Variants in CELA1 observed in about 807,000 individuals in gnomAD.
The protein encoded by CELA1 is chymotrypsin like elastase 1, also known as chymotrypsin-like elastase family member 1.
In CELA1, 28 loss-of-function variants were observed where a neutral mutation model predicts 34.8. The observed-to-expected ratio is 0.80, with a 90% CI of 0.60 to 1.10. The LOEUF (loss-of-function observed/expected upper bound fraction) is 1.10, where lower values mean the gene tolerates loss of function less well. CELA1 is among the 50% of genes least tolerant of loss of function. The pLI, the probability that CELA1 is intolerant of heterozygous loss-of-function variation, is 0.00. For missense variants in CELA1, 288 were observed against 327.5 expected (o/e 0.88, Z 0.93); for synonymous variants, 140 against 129.8 (o/e 1.08, Z -0.53).
At chr12:51,342,463 G>A in intron 4 of CELA1, 112 bp downstream of exon 4, 1 of 1,489,138 alleles carries the variant, frequency 6.7e-7, no homozygotes, top group Non-Finnish European at 9.2e-7. Flanking sequence ...CACGGACCAG[G>A]TTTCAGGCCA....
At chr12:51,346,499 G>T in intron 1 of CELA1, 124 bp downstream of exon 1, 1 of 872,182 alleles carries the variant, frequency 1.1e-6, no homozygotes, top group South Asian at 1.4e-5. Context: ...GGGACAGGGT[G>T]CTGGCCTGGA....
At chr12:51,339,122 ACTGGG>A (rs1319293991) in intron 6 of CELA1, among the ~76,000 whole-genome samples, 4 of 152,234 alleles carry the variant, frequency 2.6e-5, no homozygotes, top group African/African-American at 9.6e-5. Context: ...CAGAAATATC[ACTGGG>A]GTAAAGGGAT....
At chr12:51,338,277 CACACACACACAT>C (rs1454764518) in intron 6 of CELA1, among the ~76,000 whole-genome samples, 30 of 47,896 alleles carry the variant, frequency 6.3e-4, no homozygotes, top group Admixed American at 2.2e-3. Flanking sequence ...CACACACACA[CACACACACACAT>C]ACACATACGC....
intron 6 of CELA1, among the ~76,000 whole-genome samples, chr12:51,338,649 T>C (rs140274044): frequency 9.4e-4 from 143 of 152,340 alleles, no homozygotes; most frequent in African/African-American, 3.2e-3. Context: ...ATATCACCTG[T>C]GCACATCCTG....
intron 6 of CELA1, among the ~76,000 whole-genome samples, chr12:51,337,569 A>G (rs1946508014): frequency 6.9e-6 from 1 of 144,166 alleles, no homozygotes; most frequent in Admixed American, 7.0e-5. Context: ...AAAAGCAGCC[A>G]TAAACAGTTT....
intron 6 of CELA1, among the ~76,000 whole-genome samples, chr12:51,338,287 C>CACACACACACACAT (rs1366687008): frequency 1.6e-5 from 2 of 124,308 alleles, no homozygotes; most frequent in African/African-American, 6.0e-5. Context: ...CACACACACA[C>CACACACACACACAT]ATACACATAC....
At chr12:51,346,155 G>T (rs1347805615) in intron 1 of CELA1, among the ~76,000 whole-genome samples, 1 of 151,742 alleles carries the variant, frequency 6.6e-6, no homozygotes, top group Non-Finnish European at 1.5e-5. Flanking sequence ...GCTCCTTGTG[G>T]TCTCCTCTTT....
chr12:51,337,937 T>TATGGCCA (rs1555174509), intron 6 of CELA1, among the ~76,000 whole-genome samples: 356 of 150,524 alleles, frequency 2.4e-3, no homozygotes, highest in African/African-American at 8.4e-3. Flanking sequence ...TATATATATA[T>TATGGCCA]GTATATGGCC....
Position 51,334,333 on chromosome 12 carries a change from A to G in CELA1, c.610-4500T>C, listed in dbSNP as rs189859583. Among the ~76,000 whole-genome samples, 560 of 152,320 alleles carry G rather than the reference A, an allele frequency of 3.7e-3. 4 individuals carry two copies. Among genetic ancestry groups the G allele is most frequent in the Middle Eastern group, 0.014 (4 of 294 alleles). ...CCATGTAGAGTCCCTGGGATACAGG[A>G]CTTTTAAATGTTAATACCAGGAAAG... On this transcript the variant is annotated intron_variant, in intron 6 of 7. Transcript: ENST00000293636.
intron 2 of CELA1, among the ~76,000 whole-genome samples, chr12:51,344,519 C>T (rs879525066): frequency 5.9e-5 from 9 of 152,068 alleles, no homozygotes; most frequent in Non-Finnish European, 1.2e-4. Flanking sequence ...GGTGAAACCC[C>T]ATCTCTACTA....
chr12:51,340,242 C>A (rs1406090692), intron 5 of CELA1, among the ~76,000 whole-genome samples: 4 of 152,190 alleles, frequency 2.6e-5, no homozygotes, highest in African/African-American at 9.7e-5. Flanking sequence ...ACCAACCCTA[C>A]TCCTGCTTCT....
intron 6 of CELA1, 57 bp downstream of exon 6, chr12:51,339,803 T>C: frequency 6.4e-7 from 1 of 1,565,314 alleles, no homozygotes; most frequent in Non-Finnish European, 8.7e-7. Context: ...GGAAGAGGGG[T>C]GGAGGGATAG....
chr12:51,338,504 T>C (rs527895550), intron 6 of CELA1, among the ~76,000 whole-genome samples: 1 of 152,202 alleles, frequency 6.6e-6, no homozygotes, highest in South Asian at 2.1e-4. Flanking sequence ...TCCCTCCCTC[T>C]GAATGTCTTT....
intron 6 of CELA1, among the ~76,000 whole-genome samples, chr12:51,339,492 A>C (rs1012100863): frequency 2.0e-5 from 3 of 152,148 alleles, no homozygotes; most frequent in African/African-American, 7.2e-5. Context: ...CGGAGGTTGC[A>C]GTGAGCCGAG....
intron 2 of CELA1, among the ~76,000 whole-genome samples, chr12:51,345,424 G>T (rs576217922): frequency 1.2e-4 from 18 of 152,370 alleles, no homozygotes; most frequent in African/African-American, 4.1e-4. Context: ...GCGCACATGC[G>T]TGCAAGCATT....
At position 51,339,907 on chromosome 12, in the gene CELA1, T is replaced by G. The variant is rs1946523980; in HGVS notation, c.562A>C (p.Asn188His). 2 of 1,614,150 alleles carry G rather than the reference T, an allele frequency of 1.2e-6. No individual in the cohort carries two copies. Among genetic ancestry groups the G allele is most frequent in the African/African-American group, 2.7e-5 (2 of 75,048 alleles). ...TCTCCACCAGCACACACCATGGTGTTCTTCACAGTGGAGCCCCAGTAGGAG... is the reference window on the plus strand; with the variant it reads ...TCTCCACCAGCACACACCATGGTGTGCTTCACAGTGGAGCCCCAGTAGGAG... ...SSSYWGSTVK[N>H]TMVCAGGDGV... The change falls in exon 6 of 8, where the codon AAC becomes CAC. Residue 188 changes from asparagine (N) to histidine (H), a missense_variant. Asn to His is a moderately conservative substitution (Grantham distance 68). Transcript: ENST00000293636.
intron 3 of CELA1, 42 bp from the exon 4 acceptor site, chr12:51,342,742 A>G: frequency 1.9e-6 from 3 of 1,609,676 alleles, no homozygotes; most frequent in Non-Finnish European, 2.5e-6. Context: ...CAGGGGACTC[A>G]AACCTTCTCT....
chr12:51,329,772 G>T lies in CELA1; in HGVS notation c.671C>A (p.Thr224Asn). Residue 224 changes from threonine (T) to asparagine (N), a missense_variant, in exon 7 of 8, where the codon ACC (threonine) becomes AAC (asparagine). Coordinates refer to ENST00000293636, the MANE Select transcript of CELA1 (RefSeq NM_001971.6). Reference sequence around the variant, plus strand: ...ACAGCCCCGGCTGGACACAAAGCTGGTCACTCCATGGACAGAATACTTGCC... The same window carrying T: ...ACAGCCCCGGCTGGACACAAAGCTGTTCACTCCATGGACAGAATACTTGCC... Reference protein sequence around the residue: ...VNGKYSVHGVTSFVSSRGCNV... With the variant: ...VNGKYSVHGVNSFVSSRGCNV... 2.5e-6 allele frequency: 4 copies of T among 1,613,988 alleles called. No individual in the cohort carries two copies. Among genetic ancestry groups the T allele is most frequent in the Non-Finnish European group, 3.4e-6 (4 of 1,179,976 alleles).
At chr12:51,343,903 T>G (rs1946552289) in intron 2 of CELA1, 50 bp from the exon 3 acceptor site, 1 of 1,081,572 alleles carries the variant, frequency 9.2e-7, no homozygotes, top group Admixed American at 1.9e-5. Context: ...TCTCAAATGG[T>G]TTTGCCCCAG....
Sources: allele counts gnomAD v4.1 joint callset (sites outside exome capture counted in the v4.1 genomes callset), GRCh38; gene constraint gnomAD v4.1.1; transcripts MANE v1.5; gene names NCBI Gene and HGNC (gene_info 2026-07-23, HGNC 2026-07-21).